SLC25A53: variants seen among roughly 807,000 people sequenced by gnomAD.
The protein encoded by SLC25A53 is mitochondrial carrier triple repeat protein 6.
SLC25A53 carries 5 observed loss-of-function variants against 15.0 expected under a neutral mutation model. The observed-to-expected ratio is 0.33, with a 90% CI of 0.17 to 0.70. The LOEUF is 0.70. Among genes scored for constraint, SLC25A53 ranks in the 30% least tolerant of loss-of-function variants. The probability of loss-of-function intolerance (pLI) is 0.67; values close to 1 mark genes in which losing one functional copy is unlikely to be tolerated. For synonymous variants in SLC25A53, 95 were observed against 100.0 expected, an observed-to-expected ratio of 0.95 and a Z score of 0.30; for missense variants, 216 against 241.6, an observed-to-expected ratio of 0.89 and a Z score of 0.70.
chrX:104,133,988 A>G (rs972025581), intron 1 of SLC25A53, among the ~76,000 whole-genome samples: 3 of 111,888 alleles, frequency 2.7e-5, no homozygotes, highest in Admixed American at 1.9e-4. Flanking sequence ...CCTAGACCAC[A>G]TGCCACACCT....
At chrX:104,123,047 A>G (rs1556363237) in intron 1 of SLC25A53, among the ~76,000 whole-genome samples, 2 of 112,211 alleles carry the variant, frequency 1.8e-5, no homozygotes, top group Non-Finnish European at 1.9e-5. Context: ...AGAAGTCTTT[A>G]AAAGAGTGCC....
At chrX:104,134,895 AG>A (rs2075433020) in intron 1 of SLC25A53, among the ~76,000 whole-genome samples, 1 of 110,899 alleles carries the variant, frequency 9.0e-6, no homozygotes, top group Admixed American at 9.6e-5. Flanking sequence ...TACAAAATAA[AG>A]CCTTAACTCC....
intron 1 of SLC25A53, among the ~76,000 whole-genome samples, chrX:104,146,055 T>C (rs782633033): frequency 8.9e-6 from 1 of 111,923 alleles, no homozygotes; most frequent in African/African-American, 3.3e-5. Flanking sequence ...GTGAAAATCC[T>C]CAATAAAATG....
intron 1 of SLC25A53, among the ~76,000 whole-genome samples, chrX:104,127,963 C>G (rs1434594303): frequency 9.5e-6 from 1 of 105,657 alleles, no homozygotes; most frequent in Non-Finnish European, 1.9e-5. Flanking sequence ...GACTCTGTCT[C>G]AAAAAAAACA....
At chrX:104,107,459 A>C (rs188115790) in intron 1 of SLC25A53, among the ~76,000 whole-genome samples, 13 of 112,202 alleles carry the variant, frequency 1.2e-4, no homozygotes, top group Admixed American at 8.4e-4. Context: ...TGGCCCCTGG[A>C]AGCCCCACTT....
chrX:104,127,285 C>T (rs1202320800), intron 1 of SLC25A53, among the ~76,000 whole-genome samples: 1 of 111,809 alleles, frequency 8.9e-6, no homozygotes. Context: ...GTAACATTCT[C>T]GAAATTAGAA....
chrX:104,117,673 C>T (rs782016552), intron 1 of SLC25A53, among the ~76,000 whole-genome samples: 2 of 110,923 alleles, frequency 1.8e-5, no homozygotes, highest in Non-Finnish European at 3.8e-5. Context: ...GCTCTTACAG[C>T]CCCCTATTCC....
Position 104,104,980 on chromosome X carries a change from G to C in SLC25A53, c.278C>G (p.Thr93Ser), listed in dbSNP as rs1556355254. ...PPLLSKTLQGTLLFGTYDSLL... is the reference protein window; with the variant it reads ...PPLLSKTLQGSLLFGTYDSLL... ...GCTATCATAAGTCCCAAACAGAAGA[G>C]TCCCTTGCAACGTCTTGGAGAGAAG... Residue 93 changes from threonine to serine, a missense_variant, in exon 2 of 2, where the codon ACT becomes AGT. Coordinates refer to ENST00000594199, the MANE Select transcript of SLC25A53 (RefSeq NM_001012755.5). The C allele has an allele frequency of 8.3e-7, 1 of 1,211,639 alleles. No individual in the cohort carries two copies. Among genetic ancestry groups the C allele is most frequent in the Non-Finnish European group, 1.1e-6 (1 of 895,536 alleles).
chrX:104,124,164 T>G (rs1440634496), intron 1 of SLC25A53, among the ~76,000 whole-genome samples: 2 of 111,778 alleles, frequency 1.8e-5, no homozygotes. Context: ...GCTGCACTAA[T>G]TTACACTCCC....
intron 1 of SLC25A53, among the ~76,000 whole-genome samples, chrX:104,124,660 A>T (rs1205388016): frequency 2.7e-5 from 3 of 109,440 alleles, no homozygotes; most frequent in Non-Finnish European, 5.7e-5. Flanking sequence ...GAGCTGAGGC[A>T]GGAGGGTCAC....
chrX:104,124,348 G>A (rs1004154875), intron 1 of SLC25A53, among the ~76,000 whole-genome samples: 9 of 111,755 alleles, frequency 8.1e-5, no homozygotes, highest in Middle Eastern at 4.2e-3. Flanking sequence ...TTTTTTGGCC[G>A]CATAAATGTC....
intron 1 of SLC25A53, among the ~76,000 whole-genome samples, chrX:104,132,585 A>G (rs1404527276): frequency 1.8e-5 from 2 of 112,216 alleles, no homozygotes; most frequent in Non-Finnish European, 3.8e-5. Flanking sequence ...AGCTCCTATC[A>G]AATCCATCCT....
chrX:104,112,921 GGCCT>G (rs2075356196), intron 1 of SLC25A53: 1 of 110,772 alleles, frequency 9.0e-6, no homozygotes, highest in Non-Finnish European at 1.9e-5. Context: ...GCACTCCCTT[GGCCT>G]GGTTGCGCTG....
intron 1 of SLC25A53, among the ~76,000 whole-genome samples, chrX:104,150,964 T>C (rs1556370261): frequency 9.0e-6 from 1 of 111,440 alleles, no homozygotes; most frequent in Admixed American, 9.6e-5. Context: ...AGAAAACTCG[T>C]TCCTAGCAGA....
rs144228809 is a variant in SLC25A53, at chrX:104,104,362, T to A, written c.896A>T (p.His299Leu). ...AIHDFLQRKS[H>L]SRKELKTD Reference sequence around the variant, plus strand: ...GTCAGTCTTCAGCTCTTTCCTGGAGTGCGACTTCCTCTGCAGGAAGTCATG... The same window carrying A: ...GTCAGTCTTCAGCTCTTTCCTGGAGAGCGACTTCCTCTGCAGGAAGTCATG... The change falls in exon 2 of 2, where the codon CAC becomes CTC. Residue 299 changes from histidine to leucine, a missense_variant. By Grantham distance (99) the His-to-Leu change is moderately conservative. Transcript: ENST00000594199. 27 of 1,208,215 alleles carry A rather than the reference T, an allele frequency of 2.2e-5. No individual in the cohort carries two copies. The African/African-American group carries it at 3.7e-4, about 17-fold the overall frequency.
chrX:104,126,612 C>G (rs1420937108), intron 1 of SLC25A53, among the ~76,000 whole-genome samples: 1 of 111,452 alleles, frequency 9.0e-6, no homozygotes, highest in Non-Finnish European at 1.9e-5. Flanking sequence ...GATTGTGCCA[C>G]TGCACTCCAA....
chrX:104,154,182 C>T (rs113766801), intron 1 of SLC25A53, among the ~76,000 whole-genome samples: 5 of 111,681 alleles, frequency 4.5e-5, no homozygotes, highest in African/African-American at 1.3e-4. Flanking sequence ...ACAAAGGACC[C>T]GAATAGACAT....
chrX:104,106,166 A>G (rs782298601), intron 1 of SLC25A53, among the ~76,000 whole-genome samples: 5 of 110,971 alleles, frequency 4.5e-5, no homozygotes, highest in African/African-American at 1.6e-4. Flanking sequence ...CTCCCGGCTT[A>G]GAACCACTGT....
At chrX:104,107,044 C>A (rs1246503194) in intron 1 of SLC25A53, among the ~76,000 whole-genome samples, 1 of 104,918 alleles carries the variant, frequency 9.5e-6, no homozygotes, top group Non-Finnish European at 2.0e-5. Context: ...CTCATTCTAT[C>A]CCCCCTGCTC....
Sources: allele counts gnomAD v4.1 joint callset (sites outside exome capture counted in the v4.1 genomes callset), GRCh38; gene constraint gnomAD v4.1.1; transcripts MANE v1.5; gene names NCBI Gene and HGNC (gene_info 2026-07-23, HGNC 2026-07-21).